Variants in RNF13 observed in about 807,000 individuals in gnomAD.
RNF13 encodes the protein E3 ubiquitin-protein ligase RNF13.
In RNF13, 19 loss-of-function variants were observed where a neutral mutation model predicts 37.7. The observed-to-expected ratio is 0.50, with a 90% CI of 0.35 to 0.74. The LOEUF is 0.74. Among genes scored for constraint, RNF13 ranks in the 30% least tolerant of loss-of-function variants. RNF13 has a pLI of 0.01. For missense variants in RNF13, 375 were observed against 453.0 expected (o/e 0.83, Z 1.56); for synonymous variants, 144 against 157.8 (o/e 0.91, Z 0.65).
intron 8 of RNF13, among the ~76,000 whole-genome samples, chr3:149,921,942 C>T (rs777645719): frequency 4.6e-5 from 7 of 152,060 alleles, no homozygotes; most frequent in African/African-American, 7.2e-5. Flanking sequence ...CCTATTTCTC[C>T]ACATCCTCTC....
intron 4 of RNF13, among the ~76,000 whole-genome samples, chr3:149,887,445 C>T (rs1448414472): frequency 6.6e-6 from 1 of 152,154 alleles, no homozygotes; most frequent in African/African-American, 2.4e-5. Flanking sequence ...GGACTACAGG[C>T]ATGTGCCATC....
At chr3:149,848,835 C>T (rs1233909844) in intron 2 of RNF13, among the ~76,000 whole-genome samples, 1 of 152,086 alleles carries the variant, frequency 6.6e-6, no homozygotes, top group Non-Finnish European at 1.5e-5. Flanking sequence ...GGAGATGCTA[C>T]TGTAGCATCT....
chr3:149,862,928 T>A (rs192006596), intron 3 of RNF13, among the ~76,000 whole-genome samples: 15 of 152,354 alleles, frequency 9.8e-5, no homozygotes, highest in Non-Finnish European at 1.6e-4. Context: ...ATAAAATAAT[T>A]CATTATATTT....
intron 3 of RNF13, among the ~76,000 whole-genome samples, chr3:149,862,092 A>T (rs1275322502): frequency 6.6e-6 from 1 of 152,216 alleles, no homozygotes; most frequent in East Asian, 1.9e-4. Flanking sequence ...AATATGTTGG[A>T]TGGCATATCC....
Position 149,908,369 on chromosome 3 carries a change from T to A in RNF13, c.501-3609T>A, listed in dbSNP as rs144876151. Among the ~76,000 whole-genome samples, 53 of 152,298 alleles carry A rather than the reference T, an allele frequency of 3.5e-4. No individual in the cohort carries two copies. In the East Asian group the frequency reaches 9.8e-3, roughly 28 times the overall value. ...GAGTTAGAACAAAGAATATTGAGGT[T>A]CCTTTAAGATTTCTATATTCTCTCT... On this transcript the variant is annotated intron_variant, in intron 6 of 9. Coordinates refer to ENST00000392894, the MANE Select transcript of RNF13 (RefSeq NM_183381.3).
chr3:149,942,833 C>T (rs990024870), intron 8 of RNF13, among the ~76,000 whole-genome samples: 1 of 152,036 alleles, frequency 6.6e-6, no homozygotes, highest in African/African-American at 2.4e-5. Context: ...TAAATGTAGC[C>T]ATCTCATATA....
At chr3:149,851,927 A>G (rs1723157617) in intron 2 of RNF13, among the ~76,000 whole-genome samples, 3 of 152,162 alleles carry the variant, frequency 2.0e-5, no homozygotes, top group Non-Finnish European at 2.9e-5. Context: ...TTTGGAATCT[A>G]TATCTGTGTG....
chr3:149,862,163 A>G (rs1466764749), intron 3 of RNF13, among the ~76,000 whole-genome samples: 1 of 152,102 alleles, frequency 6.6e-6, no homozygotes, highest in East Asian at 1.9e-4. Flanking sequence ...TCAAAATTAT[A>G]CAATTTATTA....
At chr3:149,835,431 C>A (rs373586739) in intron 1 of RNF13, among the ~76,000 whole-genome samples, 1 of 152,088 alleles carries the variant, frequency 6.6e-6, no homozygotes, top group East Asian at 1.9e-4. Flanking sequence ...CCCTCCTACC[C>A]TTTCCCCTGA....
chr3:149,846,246 T>TA, intron 2 of RNF13, 106 bp downstream of exon 2: 2 of 680,868 alleles, frequency 2.9e-6, no homozygotes, highest in Admixed American at 2.8e-5. Context: ...CATTTTTATC[T>TA]AAAAACATAC....
chr3:149,876,641 C>A (rs555232979), intron 4 of RNF13, among the ~76,000 whole-genome samples: 1 of 151,996 alleles, frequency 6.6e-6, no homozygotes, highest in East Asian at 1.9e-4. Flanking sequence ...TAGTTTCTGT[C>A]ATGTCCTCCA....
At position 149,944,634 on chromosome 3, in the gene RNF13, C is replaced by T. The variant is rs565686574; in HGVS notation, c.701-15422C>T. On this transcript the variant is annotated intron_variant, in intron 8 of 9. Coordinates refer to ENST00000392894, the MANE Select transcript of RNF13 (RefSeq NM_183381.3). ...TTGAAAAGTGTCTGTTCATATCCTT[C>T]GCCCACTTTTTGATGGGGTTGTTTG... Among the ~76,000 whole-genome samples, 268 of 152,234 alleles carry T rather than the reference C, an allele frequency of 1.8e-3. 1 individual carries two copies. The highest frequency in any genetic ancestry group is 6.0e-3 in the African/African-American group (250 of 41,548).
At chr3:149,844,306 G>A (rs966320770) in intron 1 of RNF13, among the ~76,000 whole-genome samples, 1 of 152,172 alleles carries the variant, frequency 6.6e-6, no homozygotes, top group African/African-American at 2.4e-5. Flanking sequence ...ATGGGGTAAA[G>A]TCCAGAGTAA....
intron 5 of RNF13, 93 bp downstream of exon 5, chr3:149,895,653 A>T: frequency 1.3e-6 from 1 of 792,480 alleles, no homozygotes. Flanking sequence ...TTTCTTTTTA[A>T]AAAGCAAAAT....
At chr3:149,875,144 C>T (rs1712537733) in intron 4 of RNF13, among the ~76,000 whole-genome samples, 1 of 152,034 alleles carries the variant, frequency 6.6e-6, no homozygotes. Context: ...CTGAGGAAAA[C>T]TTAATTCAAC....
intron 1 of RNF13, among the ~76,000 whole-genome samples, chr3:149,842,172 A>G (rs994033413): frequency 2.6e-5 from 4 of 152,162 alleles, no homozygotes; most frequent in South Asian, 2.1e-4. Flanking sequence ...GAGCACTTCA[A>G]TTATTCCTAT....
chr3:149,825,843 A>G (rs1720448135), intron 1 of RNF13, among the ~76,000 whole-genome samples: 1 of 152,246 alleles, frequency 6.6e-6, no homozygotes, highest in African/African-American at 2.4e-5. Flanking sequence ...AAGTTCTGAT[A>G]TATTTATATA....
chr3:149,915,300 G>A (rs181364903), intron 7 of RNF13, among the ~76,000 whole-genome samples: 78 of 152,052 alleles, frequency 5.1e-4, no homozygotes, highest in African/African-American at 1.8e-3. Flanking sequence ...CTTGGATATC[G>A]ATGTAAAAAT....
chr3:149,925,399 A>G (rs76952376), intron 8 of RNF13, among the ~76,000 whole-genome samples: 2,590 of 152,252 alleles, frequency 0.017, 80 homozygotes, highest in African/African-American at 0.058. Context: ...GGAGGTAATC[A>G]CTATCCTGGT....
Sources: gnomAD v4.1 joint callset for allele counts (sites outside exome capture counted in the v4.1 genomes callset) on GRCh38, gnomAD v4.1.1 for gene constraint, MANE v1.5 for transcripts, NCBI Gene and HGNC (gene_info 2026-07-23, HGNC 2026-07-21) for gene names.